Variants in MBTPS1 observed in about 807,000 individuals in gnomAD.
MBTPS1 encodes the protein membrane bound transcription factor peptidase, site 1.
MBTPS1 carries 94 observed loss-of-function variants against 127.8 expected under a neutral mutation model. That is an observed-to-expected ratio of 0.74 (90% CI 0.62 to 0.87). The LOEUF is 0.87. Ranked by LOEUF, MBTPS1 falls within the 40% of genes least tolerant of loss-of-function variation. The probability of loss-of-function intolerance (pLI) is 0.00; values close to 1 mark genes in which losing one functional copy is unlikely to be tolerated. For synonymous variants in MBTPS1, 632 were observed against 509.4 expected, an observed-to-expected ratio of 1.24 and a Z score of -3.24; for missense variants, 1,636 against 1,353.2, an observed-to-expected ratio of 1.21 and a Z score of -3.28.
chr16:84,100,803 G>C (rs1317198584), intron 2 of MBTPS1, among the ~76,000 whole-genome samples: 1 of 151,834 alleles, frequency 6.6e-6, no homozygotes, highest in African/African-American at 2.4e-5. Flanking sequence ...TACTCTACTG[G>C]GAAAACAAAC....
intron 8 of MBTPS1, 48 bp from the exon 9 acceptor site, chr16:84,087,508 CAAG>C: frequency 8.2e-7 from 1 of 1,224,322 alleles, no homozygotes; most frequent in East Asian, 2.4e-5. Flanking sequence ...AAGAAAAAAA[CAAG>C]AGAAATAATT....
At chr16:84,106,185 C>T (rs1567505284) in intron 1 of MBTPS1, among the ~76,000 whole-genome samples, 1 of 152,118 alleles carries the variant, frequency 6.6e-6, no homozygotes. Flanking sequence ...GCTCCAGCTA[C>T]TCAGTAGGCT....
intron 10 of MBTPS1, 87 bp from the exon 11 acceptor site, chr16:84,081,995 C>T: frequency 1.0e-6 from 1 of 997,190 alleles, no homozygotes; most frequent in Non-Finnish European, 1.3e-6. Flanking sequence ...AACGTGCACA[C>T]AAGAGGCCTG....
chr16:84,063,136 T>C (rs182096529), intron 19 of MBTPS1, among the ~76,000 whole-genome samples, 169 bp downstream of exon 19: 1 of 152,338 alleles, frequency 6.6e-6, no homozygotes, highest in African/African-American at 2.4e-5. Context: ...CTCAGACACC[T>C]ATCAAAATAT....
chr16:84,101,636 T>G lies in MBTPS1; in HGVS notation c.148A>C (p.Thr50Pro). The change falls in exon 2 of 23, where the codon ACA (threonine) becomes CCA (proline). Residue 50 changes from threonine to proline, a missense_variant. By Grantham distance (38) the Thr-to-Pro change is conservative. Transcript: ENST00000343411. The stretch of plus-strand genomic sequence containing the variant: ...ACATCATTACCATATTCCACAACTG[T>G]TGATGAGAATTCCACCTTCAAAGTC... ...HLTLKVEFSS[T>P]VVEYEYIVAF... 1 of 1,613,762 alleles carries G rather than the reference T, an allele frequency of 6.2e-7. No homozygotes were observed. Among genetic ancestry groups the G allele is most frequent in the Non-Finnish European group, 8.5e-7 (1 of 1,179,798 alleles).
At chr16:84,110,284 C>A (rs769352329) in intron 1 of MBTPS1, among the ~76,000 whole-genome samples, 6 of 152,202 alleles carry the variant, frequency 3.9e-5, no homozygotes, top group Non-Finnish European at 8.8e-5. Context: ...AGGAAATTGA[C>A]AGAATTCCTG....
At chr16:84,063,510 A>C in intron 18 of MBTPS1, 65 bp from the exon 19 acceptor site, 1 of 1,455,696 alleles carries the variant, frequency 6.9e-7, no homozygotes, top group South Asian at 1.3e-5. Context: ...TTATTTCCTG[A>C]TATTTCATCC....
rs780183218 is a variant in MBTPS1 at position 84,090,857 on chromosome 16, C to T, written c.1031+18G>A. The T allele has an allele frequency of 1.3e-6, 2 of 1,593,460 alleles. No individual in the cohort carries two copies. The highest frequency in any genetic ancestry group is 2.2e-5 in the East Asian group (1 of 44,750). On this transcript the variant is annotated intron_variant, in intron 8 of 22. Coordinates refer to ENST00000343411, the MANE Select transcript of MBTPS1 (RefSeq NM_003791.4). ...GGGGGAAAAAATCCCCGAGGTCATC[C>T]CTGCTGGGGCTACTTACCCATAAAG...
chr16:84,080,417 A>G (rs950302756), intron 11 of MBTPS1, among the ~76,000 whole-genome samples: 42 of 152,374 alleles, frequency 2.8e-4, no homozygotes, highest in African/African-American at 9.6e-4. Context: ...ATCTCGAAAC[A>G]TGCCCCCACA....
Position 84,081,744 on chromosome 16 carries a change from G to T in MBTPS1, c.1448+3C>A. The T allele has an allele frequency of 7.2e-7, 1 of 1,385,318 alleles. No individual in the cohort carries two copies. The highest frequency in any genetic ancestry group is 1.9e-5 in the South Asian group (1 of 53,832). 85.8% of individuals were successfully genotyped at this position (1,385,318 alleles called of 1,614,324 possible). ...AGACCCATCGGCAGGGCGGTGCACT[G>T]ACCTTGCCTGTGGCTTGTAGCTGTT... On this transcript the variant is annotated splice_donor_region_variant and intron_variant, in intron 11 of 22. Transcript: ENST00000343411.
chr16:84,074,349 G>A (rs954659858), intron 12 of MBTPS1, among the ~76,000 whole-genome samples: 4 of 151,498 alleles, frequency 2.6e-5, no homozygotes, highest in African/African-American at 7.3e-5. Flanking sequence ...ATCCTCCCAC[G>A]TCAGCCTCCT....
intron 2 of MBTPS1, among the ~76,000 whole-genome samples, chr16:84,099,560 C>G (rs908507153): frequency 6.6e-6 from 1 of 151,876 alleles, no homozygotes; most frequent in Admixed American, 6.6e-5. Context: ...CTGACGTGGG[C>G]AGATTACGAG....
At chr16:84,101,260 A>G (rs2086250906) in intron 2 of MBTPS1, among the ~76,000 whole-genome samples, 1 of 152,168 alleles carries the variant, frequency 6.6e-6, no homozygotes, top group African/African-American at 2.4e-5. Flanking sequence ...AGATCGTGCC[A>G]TTGCACTCCA....
At chr16:84,110,495 G>A (rs2086383234) in intron 1 of MBTPS1, among the ~76,000 whole-genome samples, 1 of 151,960 alleles carries the variant, frequency 6.6e-6, no homozygotes, top group Non-Finnish European at 1.5e-5. Flanking sequence ...CTTTTAGAAT[G>A]GCAATTTTCA....
Position 84,070,610 on chromosome 16 carries a change from A to G in MBTPS1, c.1760T>C (p.Val587Ala). ...TACCTCTGTCTCTGCTGGGGAAGCC[A>G]CAGTGATCATGACATGGCCCTGAGC... is the stretch of plus-strand genomic sequence containing the variant. ...GIAQGHVMIT[V>A]ASPAETESKN... The change falls in exon 13 of 23, where the codon GTG (valine) becomes GCG (alanine). Residue 587 changes from valine to alanine, a missense_variant. Physicochemically the swap from Val to Ala is moderately conservative, Grantham distance 64. Coordinates refer to ENST00000343411, the MANE Select transcript of MBTPS1 (RefSeq NM_003791.4). 1 of 1,612,660 alleles carries G rather than the reference A, an allele frequency of 6.2e-7. No individual in the cohort carries two copies. Among genetic ancestry groups the G allele is most frequent in the African/African-American group, 1.3e-5 (1 of 74,986 alleles).
At chr16:84,115,069 C>CA (rs2086453652) in intron 1 of MBTPS1, among the ~76,000 whole-genome samples, 1 of 152,004 alleles carries the variant, frequency 6.6e-6, no homozygotes, top group African/African-American at 2.4e-5. Context: ...GCTGGGATTA[C>CA]AGGCGCCTGC....
chr16:84,077,234 G>GAAAAAAAAAAAA (rs1191331764), intron 11 of MBTPS1, among the ~76,000 whole-genome samples: 1 of 100,274 alleles, frequency 1.0e-5, no homozygotes, highest in African/African-American at 3.9e-5. Flanking sequence ...CATTAAAAAA[G>GAAAAAAAAAAAA]AAAAAAAAAA....
intron 8 of MBTPS1, among the ~76,000 whole-genome samples, chr16:84,089,205 T>A (rs1331515259): frequency 6.6e-6 from 1 of 152,214 alleles, no homozygotes; most frequent in African/African-American, 2.4e-5. Context: ...AAGTGGAAGA[T>A]CAAGGTGAAC....
At chr16:84,101,132 C>G (rs920158187) in intron 2 of MBTPS1, among the ~76,000 whole-genome samples, 1 of 151,908 alleles carries the variant, frequency 6.6e-6, no homozygotes, top group Non-Finnish European at 1.5e-5. Flanking sequence ...AACCCCATCT[C>G]TACTAAAAAT....
Sources: allele counts gnomAD v4.1 joint callset (sites outside exome capture counted in the v4.1 genomes callset), GRCh38; gene constraint gnomAD v4.1.1; transcripts MANE v1.5; gene names NCBI Gene and HGNC (gene_info 2026-07-23, HGNC 2026-07-21).